The following SLA variants were observed in gnomAD, a reference collection of about 807,000 sequenced individuals.
SLA encodes Src like adaptor.
A neutral mutation model predicts 30.3 loss-of-function variants in SLA; 16 were observed. The observed-to-expected ratio is 0.53, with a 90% CI of 0.36 to 0.80. The LOEUF (loss-of-function observed/expected upper bound fraction) is 0.80, where lower values mean the gene tolerates loss of function less well. Ranked by LOEUF, SLA falls within the 30% of genes least tolerant of loss-of-function variation. The probability of loss-of-function intolerance (pLI) is 0.01; values close to 1 mark genes in which losing one functional copy is unlikely to be tolerated. For missense variants in SLA, 310 were observed against 345.2 expected (o/e 0.90, Z 0.81); for synonymous variants, 143 against 137.8 (o/e 1.04, Z -0.26).
At chr8:133,079,059 T>G (rs1845343746) in intron 1 of SLA, among the ~76,000 whole-genome samples, 1 of 152,176 alleles carries the variant, frequency 6.6e-6, no homozygotes, top group Admixed American at 6.5e-5. Flanking sequence ...TCCCAGCAGC[T>G]TGGTCTTCTA....
Position 133,047,843 on chromosome 8 carries a change from ACT to A in SLA, c.337_338del (p.Ser113Ter). 1 of 1,593,206 alleles carries A rather than the reference ACT, an allele frequency of 6.3e-7. No homozygotes were observed. The highest frequency in any genetic ancestry group is 8.6e-7 in the Non-Finnish European group (1 of 1,161,316). ...TKVGSFMIRESETKKGFYSLS... is the reference protein window; with the variant it reads ...TKVGSFMIREXETKKGFYSLS... ...GGGGCCACTCACCTTTCTTGGTCTC[ACT>A]CTCTCTGATCATGAAGGAGCCGACC... On this transcript the variant is annotated frameshift_variant, in exon 6 of 9. Transcript: ENST00000338087. LOFTEE classifies it high-confidence loss of function.
At chr8:133,076,271 C>T (rs1460401436) in intron 1 of SLA, 1 of 152,308 alleles carries the variant, frequency 6.6e-6, no homozygotes, top group Non-Finnish European at 1.5e-5. Context: ...GGGCCAGAAT[C>T]TACGGCCGGT....
chr8:133,079,915 C>G (rs17624784), intron 1 of SLA, among the ~76,000 whole-genome samples: 25,038 of 151,642 alleles, frequency 0.17, 2,388 homozygotes, highest in East Asian at 0.21. Context: ...GATAGAAGTT[C>G]TCGAGAGTAA....
At chr8:133,081,030 T>C (rs7009823) in intron 1 of SLA, among the ~76,000 whole-genome samples, 39,044 of 152,234 alleles carry the variant, frequency 0.26, 5,318 homozygotes, top group African/African-American at 0.31. Flanking sequence ...AGTTGTGTGA[T>C]CTTGTGGGAC....
Position 133,049,928 on chromosome 8 carries a change from T to G in SLA, c.222A>C (p.Gly74=). The part of the protein sequence containing the change: ...LSTGRESYIP[G]ICVARVYHGW... ...CATGGTAAACTCTGGCCACACATAT[T>G]CCAGGGATGTAACTCTCTCGACCAG... Residue 74 remains glycine (G), a synonymous_variant, in exon 5 of 9, where the codon GGA becomes GGC. Transcript: ENST00000338087. 1 of 1,613,082 alleles carries G rather than the reference T, an allele frequency of 6.2e-7. No homozygotes were observed. The highest frequency in any genetic ancestry group is 1.1e-5 in the South Asian group (1 of 91,062).
At chr8:133,046,241 G>T (rs981258776) in intron 6 of SLA, among the ~76,000 whole-genome samples, 3 of 152,218 alleles carry the variant, frequency 2.0e-5, no homozygotes, top group Admixed American at 6.5e-5. Context: ...TGCTATCTCT[G>T]CTGGGCAGGG....
chr8:133,071,368 G>A (rs1322044968), intron 2 of SLA, among the ~76,000 whole-genome samples: 7 of 152,224 alleles, frequency 4.6e-5, no homozygotes, highest in Non-Finnish European at 4.4e-5. Context: ...TGGCTCTAGA[G>A]CCTGGCTCCC....
intron 1 of SLA, among the ~76,000 whole-genome samples, chr8:133,086,414 A>G (rs1279158584): frequency 6.6e-6 from 1 of 152,244 alleles, no homozygotes; most frequent in Admixed American, 6.5e-5. Flanking sequence ...TCATAGTTTG[A>G]AATACTGGAT....
intron 2 of SLA, 82 bp from the exon 3 acceptor site, chr8:133,060,282 G>T (rs1842184299): frequency 2.5e-6 from 4 of 1,592,622 alleles, no homozygotes; most frequent in Admixed American, 1.8e-5. Context: ...AGAGAGCATC[G>T]TGCATCATTT....
chr8:133,044,280 C>T (rs981802913), intron 7 of SLA, among the ~76,000 whole-genome samples: 1 of 152,168 alleles, frequency 6.6e-6, no homozygotes, highest in African/African-American at 2.4e-5. Context: ...AACTTTCTCT[C>T]TCTGGCAGTA....
Position 133,060,220 on chromosome 8 carries a change from CG to C in SLA, c.-40-21del. The C allele has an allele frequency of 6.2e-7, 1 of 1,612,906 alleles. No individual in the cohort carries two copies. The highest frequency in any genetic ancestry group is 8.5e-7 in the Non-Finnish European group (1 of 1,179,500). On this transcript the variant is annotated intron_variant, in intron 2 of 8. Transcript: ENST00000338087. ...CAGAGCCTGTGGTATAGGAGACAGA[CG>C]GGGAAAGTCAACCGTGCCCTGAGCC... is the stretch of plus-strand genomic sequence containing the variant.
At chr8:133,039,923 T>A in intron 8 of SLA, 75 bp downstream of exon 8, 1 of 1,514,506 alleles carries the variant, frequency 6.6e-7, no homozygotes, top group Non-Finnish European at 8.9e-7. Context: ...CACACCGTTT[T>A]GTGCTCACAT....
At chr8:133,095,547 G>A (rs1588082129) in intron 1 of SLA, among the ~76,000 whole-genome samples, 2 of 152,288 alleles carry the variant, frequency 1.3e-5, no homozygotes, top group Middle Eastern at 3.4e-3. Context: ...GGTGGGCAGG[G>A]GACCAAACCC....
chr8:133,067,812 G>GAAA lies in SLA; in HGVS notation c.-41+7040_-41+7041insTTT, dbSNP rs1224876909. Among the ~76,000 whole-genome samples the GAAA allele has an allele frequency of 6.4e-3, 742 of 116,594 alleles. 14 individuals carry two copies. The highest frequency in any genetic ancestry group is 0.02 in the African/African-American group (702 of 35,080). The allele number at this position is 116,594 out of a possible 152,430, so 76.5% of individuals were successfully genotyped here. On this transcript the variant is annotated intron_variant, in intron 2 of 8. Transcript: ENST00000338087. ...AAAGAAAAAGAAAGAAAGAAAGAAA[G>GAAA]GAAGGAAGGAAGGGGGAGAGAGAGA...
At chr8:133,094,368 G>A (rs1355248883) in intron 1 of SLA, among the ~76,000 whole-genome samples, 2 of 150,478 alleles carry the variant, frequency 1.3e-5, no homozygotes, top group Admixed American at 6.7e-5. Flanking sequence ...AGCCTCCCAA[G>A]TAGCAGGGAC....
chr8:133,059,511 G>T (rs1587933302), intron 3 of SLA, among the ~76,000 whole-genome samples: 1 of 152,216 alleles, frequency 6.6e-6, no homozygotes, highest in African/African-American at 2.4e-5. Context: ...CCAAAAAGCT[G>T]ACTTTGGTCA....
At chr8:133,039,791 G>C (rs756150141) in intron 8 of SLA, among the ~76,000 whole-genome samples, 1 of 152,156 alleles carries the variant, frequency 6.6e-6, no homozygotes, top group Non-Finnish European at 1.5e-5. Flanking sequence ...CACACACCTC[G>C]TGAGGCCTGA....
At chr8:133,060,683 G>A (rs973699946) in intron 2 of SLA, among the ~76,000 whole-genome samples, 1 of 152,222 alleles carries the variant, frequency 6.6e-6, no homozygotes, top group Non-Finnish European at 1.5e-5. Context: ...TTGTCAGCAT[G>A]CTTTAACAAA....
chr8:133,096,619 C>G (rs1250000218), intron 1 of SLA, among the ~76,000 whole-genome samples: 1 of 152,228 alleles, frequency 6.6e-6, no homozygotes, highest in South Asian at 2.1e-4. Context: ...TGGAGCTGAC[C>G]CAGAAGCTCT....
Sources: allele counts gnomAD v4.1 joint callset (sites outside exome capture counted in the v4.1 genomes callset), GRCh38; gene constraint gnomAD v4.1.1; transcripts MANE v1.5; gene names NCBI Gene and HGNC (gene_info 2026-07-23, HGNC 2026-07-21).